Variants in RASA3 observed in about 807,000 individuals in gnomAD.
RASA3 encodes ras GTPase-activating protein 3.
RASA3 carries 73 observed loss-of-function variants against 110.0 expected under a neutral mutation model. That is an observed-to-expected ratio of 0.66 (90% CI 0.55 to 0.81). The LOEUF is 0.81. Ranked by LOEUF, RASA3 falls within the 30% of genes least tolerant of loss-of-function variation. The pLI is 0.00. For missense variants in RASA3, 976 were observed against 1,113.2 expected (o/e 0.88, Z 1.75); for synonymous variants, 500 against 451.4 (o/e 1.11, Z -1.37).
chr13:114,024,193 C>T (rs2139347716), intron 8 of RASA3, 86 bp downstream of exon 8: 2 of 1,243,998 alleles, frequency 1.6e-6, no homozygotes, highest in East Asian at 2.3e-5. Context: ...CTATCTATGA[C>T]CCTATATTTA....
chr13:114,047,115 T>C (rs142542921), intron 3 of RASA3, among the ~76,000 whole-genome samples: 192 of 152,082 alleles, frequency 1.3e-3, no homozygotes, highest in Non-Finnish European at 1.8e-3. Context: ...AAGCCAATGG[T>C]AAGAAAATGA....
At chr13:113,999,383 CAG>C (rs3834940) in intron 20 of RASA3, among the ~76,000 whole-genome samples, 200 bp downstream of exon 20, 1 of 152,100 alleles carries the variant, frequency 6.6e-6, no homozygotes, top group African/African-American at 2.4e-5. Context: ...ACCCCGGGCA[CAG>C]AGAGTGTGGC....
At position 114,027,855 on chromosome 13, in the gene RASA3, T is replaced by C. The variant is rs2054056586; in HGVS notation, c.522A>G (p.Gly174=). The part of the protein sequence containing the change: ...CDPYATVTLA[G]PFRSEAKKTK... ...AGCGTGAGGCAACTTGCCTGAAGGG[T>C]CCTGCCAGCGTCACGGTGGCGTAGG... The change falls in exon 6 of 24, where the codon GGA becomes GGG. Residue 174 remains glycine (G), a synonymous_variant. Transcript: ENST00000334062. 2 of 1,613,492 alleles carry C rather than the reference T, an allele frequency of 1.2e-6. No homozygotes were observed. Among genetic ancestry groups the C allele is most frequent in the African/African-American group, 1.3e-5 (1 of 74,900 alleles).
At chr13:114,080,279 G>A (rs376100122) in intron 1 of RASA3, among the ~76,000 whole-genome samples, 8 of 152,318 alleles carry the variant, frequency 5.3e-5, no homozygotes, top group African/African-American at 1.7e-4. Context: ...CTCCTGGCCG[G>A]GAGGGGCTGC....
At chr13:114,117,606 CGT>C (rs1180238817) in intron 1 of RASA3, among the ~76,000 whole-genome samples, 1 of 123,242 alleles carries the variant, frequency 8.1e-6, no homozygotes, top group African/African-American at 3.2e-5. Context: ...TGGGTGAGCA[CGT>C]GTGTGAGGGG....
At chr13:114,037,133 GTTAA>G (rs1259738217) in intron 4 of RASA3, among the ~76,000 whole-genome samples, 2 of 152,192 alleles carry the variant, frequency 1.3e-5, no homozygotes, top group Non-Finnish European at 2.9e-5. Flanking sequence ...AGCCTCGGGC[GTTAA>G]TTATGAGATT....
chr13:114,052,208 A>G (rs2079157314), intron 2 of RASA3, 53 bp from the exon 3 acceptor site: 1 of 1,248,630 alleles, frequency 8.0e-7, no homozygotes, highest in Non-Finnish European at 1.2e-6. Flanking sequence ...CTTGCGCCTC[A>G]CCCCCGGGGC....
At chr13:114,090,779 C>T (rs755747368) in intron 1 of RASA3, among the ~76,000 whole-genome samples, 6 of 152,178 alleles carry the variant, frequency 3.9e-5, no homozygotes, top group East Asian at 1.9e-4. Flanking sequence ...CTCAGGTATG[C>T]GTAACAAAAA....
intron 1 of RASA3, among the ~76,000 whole-genome samples, chr13:114,077,566 G>T: frequency 1.8e-5 from 1 of 56,470 alleles, no homozygotes; most frequent in Non-Finnish European, 3.4e-5. Flanking sequence ...CAGTCCCACC[G>T]CACTGGCACC....
intron 1 of RASA3, among the ~76,000 whole-genome samples, chr13:114,081,524 T>C (rs1029814340): frequency 6.6e-6 from 1 of 152,144 alleles, no homozygotes; most frequent in Non-Finnish European, 1.5e-5. Flanking sequence ...AGTCCTGAGA[T>C]GAATGGAGCA....
chr13:114,113,342 A>G (rs1243519146), intron 1 of RASA3, among the ~76,000 whole-genome samples: 2 of 152,220 alleles, frequency 1.3e-5, no homozygotes, highest in Middle Eastern at 3.2e-3. Context: ...CACAGCACAT[A>G]GTGGCTGGCA....
chr13:114,075,307 T>G (rs116208669), intron 1 of RASA3, among the ~76,000 whole-genome samples: 2,263 of 152,280 alleles, frequency 0.015, 51 homozygotes, highest in African/African-American at 0.052. Context: ...ATTTCAAAGA[T>G]GCCAGTTTGC....
rs1040291992 is a variant in RASA3, at chr13:113,979,265, G to A, written c.*82C>T. 39 of 1,346,180 alleles carry A rather than the reference G, an allele frequency of 2.9e-5. No individual in the cohort carries two copies. The highest frequency in any genetic ancestry group is 1.7e-4 in the Admixed American group (10 of 59,424). 83.4% of individuals were successfully genotyped at this position (1,346,180 alleles called of 1,614,324 possible). A position where few individuals can be genotyped will look rare whatever the true frequency, so the allele number is the denominator to read the frequency against. ...GTGCATCTCACTTTGCCGGCTCTGC[G>A]CTCTTCCTTCTCTTCTCCCTCCCAA... On this transcript the variant is annotated 3_prime_UTR_variant, in exon 24 of 24. Transcript: ENST00000334062.
chr13:114,019,052 C>T, intron 9 of RASA3, 133 bp from the exon 10 acceptor site: 1 of 1,138,278 alleles, frequency 8.8e-7, no homozygotes, highest in Non-Finnish European at 1.2e-6. Flanking sequence ...CAGAGTGCAG[C>T]CCCTGGGGAC....
At chr13:114,042,160 G>A (rs990788080) in intron 3 of RASA3, among the ~76,000 whole-genome samples, 1 of 152,226 alleles carries the variant, frequency 6.6e-6, no homozygotes, top group Non-Finnish European at 1.5e-5. Context: ...ACATTCCCGA[G>A]GCGCGGCAAA....
chr13:114,121,218 C>T (rs2080370617), intron 1 of RASA3, among the ~76,000 whole-genome samples: 1 of 152,228 alleles, frequency 6.6e-6, no homozygotes, highest in Non-Finnish European at 1.5e-5. Flanking sequence ...GGGCAGGAGG[C>T]CACCCGCGGG....
At chr13:114,043,137 A>G (rs1278234887) in intron 3 of RASA3, among the ~76,000 whole-genome samples, 4 of 94,214 alleles carry the variant, frequency 4.2e-5, no homozygotes, top group Admixed American at 9.6e-5. Context: ...CTGCAAACTC[A>G]GAGGGTCTGA....
At position 114,015,359 on chromosome 13, in the gene RASA3, C is replaced by G. The variant is rs2053766179; in HGVS notation, c.1282-27G>C. The stretch of plus-strand genomic sequence containing the variant: ...TGCAACGGGACACGGCACTGGGACC[C>G]ACTCCCGAGGCTGCCCACAGGTGCG... On this transcript the variant is annotated intron_variant, in intron 13 of 23. Transcript: ENST00000334062. The G allele has an allele frequency of 4.3e-6, 7 of 1,610,594 alleles. 1 individual carries two copies. In the African/African-American group the frequency reaches 5.3e-5, roughly 12 times the overall value.
intron 1 of RASA3, among the ~76,000 whole-genome samples, chr13:114,099,460 C>T (rs916741912): frequency 4.0e-4 from 61 of 151,936 alleles, no homozygotes; most frequent in African/African-American, 1.4e-3. Flanking sequence ...TTTGGATTCC[C>T]CGGGGTGTCC....
Sources: gnomAD v4.1 joint callset for allele counts (sites outside exome capture counted in the v4.1 genomes callset) on GRCh38, gnomAD v4.1.1 for gene constraint, MANE v1.5 for transcripts, NCBI Gene and HGNC (gene_info 2026-07-23, HGNC 2026-07-21) for gene names.